Variants in ZNF316 observed in about 807,000 individuals in gnomAD.
ZNF316 encodes the protein zinc finger protein 316.
Under a neutral mutation model 75.6 loss-of-function variants are expected in ZNF316, and 23 were observed. The ratio of observed to expected loss-of-function variants is 0.30; its 90% confidence interval spans 0.22 to 0.43. ZNF316 has a LOEUF of 0.43. Among genes scored for constraint, ZNF316 ranks in the 20% least tolerant of loss-of-function variants. The pLI, the probability that ZNF316 is intolerant of heterozygous loss-of-function variation, is 1.00. For missense variants in ZNF316, 1,266 were observed against 1,409.4 expected, an observed-to-expected ratio of 0.90 and a Z score of 1.63; for synonymous variants, 827 against 666.2, an observed-to-expected ratio of 1.24 and a Z score of -3.72.
Position 6,654,674 on chromosome 7 carries a change from C to G in ZNF316, c.*63C>G. On this transcript the variant is annotated 3_prime_UTR_variant, in exon 9 of 9. Transcript: ENST00000382252. ...ACCGGCCCCTCCCTTGGACGGCCGGCCCCCCGCTCCTCGGGCCCCGGGAGG... is the reference window on the plus strand; with the variant it reads ...ACCGGCCCCTCCCTTGGACGGCCGGGCCCCCGCTCCTCGGGCCCCGGGAGG... 1 of 1,134,956 alleles carries G rather than the reference C, an allele frequency of 8.8e-7. No individual in the cohort carries two copies. The highest frequency in any genetic ancestry group is 1.1e-6 in the Non-Finnish European group (1 of 922,410). 70.3% of individuals were successfully genotyped at this position (1,134,956 alleles called of 1,614,324 possible).
chr7:6,652,272 C>T, intron 8 of ZNF316, 31 bp from the exon 9 acceptor site: 3 of 1,232,268 alleles, frequency 2.4e-6, no homozygotes, highest in Non-Finnish European at 3.0e-6. Context: ...TCACTTACCT[C>T]TCTCTTCTGG....
At chr7:6,647,936 C>T (rs1003509276) in intron 8 of ZNF316, among the ~76,000 whole-genome samples, 6 of 152,198 alleles carry the variant, frequency 3.9e-5, no homozygotes, top group South Asian at 2.1e-4. Flanking sequence ...AGGGCCCCCA[C>T]GCTGTGCCCA....
chr7:6,638,845 A>T (rs1004938251), intron 2 of ZNF316, among the ~76,000 whole-genome samples, 197 bp from the exon 3 acceptor site: 4 of 151,996 alleles, frequency 2.6e-5, no homozygotes, highest in Non-Finnish European at 4.4e-5. Context: ...GCCGAGGGAG[A>T]AGTGAGCAGT....
Position 6,654,229 on chromosome 7 carries a change from G to T in ZNF316, c.2633G>T (p.Arg878Leu). The change falls in exon 9 of 9, where the codon CGG becomes CTG. Residue 878 changes from arginine (R) to leucine (L), a missense_variant. Around this residue, in one of 3 missense-constraint regions of ZNF316, gnomAD observed 194 missense variants for 319.2 expected, o/e 0.61. Coordinates refer to ENST00000382252, the MANE Select transcript of ZNF316 (RefSeq NM_001278559.2). Reference protein sequence around the residue: ...FAQRSNLAKHRRGHTGERPFP... With the variant: ...FAQRSNLAKHLRGHTGERPFP... The stretch of plus-strand genomic sequence containing the variant: ...CAGCGCTCCAACCTGGCCAAGCACC[G>T]GCGCGGCCACACGGGCGAACGCCCC... 8.2e-7 allele frequency: 1 copy of T among 1,221,864 alleles called. No individual in the cohort carries two copies. The highest frequency in any genetic ancestry group is 3.3e-5 in the East Asian group (1 of 30,356). 75.7% of individuals were successfully genotyped at this position (1,221,864 alleles called of 1,614,324 possible). A position where few individuals can be genotyped will look rare whatever the true frequency, so the allele number is the denominator to read the frequency against.
Position 6,654,228 on chromosome 7 carries a change from C to T in ZNF316, c.2632C>T (p.Arg878Trp), listed in dbSNP as rs1779573394. 2 of 1,222,086 alleles carry T rather than the reference C, an allele frequency of 1.6e-6. No individual in the cohort carries two copies. The highest frequency in any genetic ancestry group is 1.0e-6 in the Non-Finnish European group (1 of 981,440). The allele number at this position is 1,222,086 out of a possible 1,614,324, so 75.7% of individuals were successfully genotyped here. A position where few individuals can be genotyped will look rare whatever the true frequency, so the allele number is the denominator to read the frequency against. ...FAQRSNLAKH[R>W]RGHTGERPFP... ...GCAGCGCTCCAACCTGGCCAAGCAC[C>T]GGCGCGGCCACACGGGCGAACGCCC... Residue 878 changes from arginine (R) to tryptophan (W), a missense_variant, in exon 9 of 9, where the codon CGG becomes TGG. Arg to Trp is a moderately radical substitution (Grantham distance 101, BLOSUM62 -3). Coordinates refer to ENST00000382252, the MANE Select transcript of ZNF316 (RefSeq NM_001278559.2).
chr7:6,645,522 A>G (rs1028656471), intron 8 of ZNF316, among the ~76,000 whole-genome samples: 10 of 151,482 alleles, frequency 6.6e-5, no homozygotes, highest in Middle Eastern at 3.2e-3. Context: ...CATCACTACT[A>G]AAAATACAAA....
In ZNF316 at chr7:6,654,494, C is replaced by T. The variant is rs1384776405; in HGVS notation, c.2898C>T (p.Ala966=). 8.5e-7 allele frequency: 1 copy of T among 1,180,752 alleles called. No homozygotes were observed. The allele number at this position is 1,180,752 out of a possible 1,614,324, so 73.1% of individuals were successfully genotyped here. ...CGGCCGCCAAGGGGCCGTCCAGTGC[C>T]GGCCCCGGTGAGCGCGGCAGCGCCC... ...PEAAAKGPSS[A]GPGERGSALL... is the part of the protein sequence containing the mutation. Residue 966 remains alanine (A), a synonymous_variant, in exon 9 of 9, where the codon GCC becomes GCT. Coordinates refer to ENST00000382252, the MANE Select transcript of ZNF316 (RefSeq NM_001278559.2).
chr7:6,645,865 G>A (rs565488059), intron 8 of ZNF316, among the ~76,000 whole-genome samples: 9 of 151,482 alleles, frequency 5.9e-5, no homozygotes, highest in South Asian at 4.2e-4. Context: ...GTGGTGGTGC[G>A]CGCCTGTAGT....
chr7:6,652,221 G>A, intron 8 of ZNF316, 82 bp from the exon 9 acceptor site: 1 of 1,217,008 alleles, frequency 8.2e-7, no homozygotes, highest in Non-Finnish European at 1.0e-6. Flanking sequence ...CGGAAGCCCT[G>A]ATTTCTCGGG....
chr7:6,647,349 C>G (rs577134766), intron 8 of ZNF316, among the ~76,000 whole-genome samples: 2 of 152,360 alleles, frequency 1.3e-5, no homozygotes, highest in Non-Finnish European at 2.9e-5. Flanking sequence ...CCCCAAGCAC[C>G]AATGTGTGGG....
rs1583447738 is a variant in ZNF316 at position 6,653,639 on chromosome 7, G to A, written c.2043G>A (p.Pro681=). 9.4e-7 allele frequency: 1 copy of A among 1,065,430 alleles called. No homozygotes were observed. The allele number at this position is 1,065,430 out of a possible 1,614,324, so 66.0% of individuals were successfully genotyped here. Residue 681 remains proline (P), a synonymous_variant, in exon 9 of 9, where the codon CCG becomes CCA. Coordinates refer to ENST00000382252, the MANE Select transcript of ZNF316 (RefSeq NM_001278559.2). The stretch of plus-strand genomic sequence containing the variant: ...GGGGTCTGCTGGCGGAGCCCGCGCC[G>A]GCCGCGCTGGCGGAGGAGGAGAGCC... ...AIGGLLAEPA[P]AALAEEESPW...
rs1006968567 is a variant in ZNF316, at chr7:6,645,791, C to G, written c.706+1198C>G. ...TGGACAGATCACGAGGTCAGGAGTT[C>G]AAGACCAGTCTAGGCAATATGGTGA... On this transcript the variant is annotated intron_variant, in intron 8 of 8. Coordinates refer to ENST00000382252, the MANE Select transcript of ZNF316 (RefSeq NM_001278559.2). Among the ~76,000 whole-genome samples the G allele has an allele frequency of 2.0e-5, 3 of 150,220 alleles. No homozygotes were observed. In the Admixed American group the frequency reaches 2.0e-4, roughly 10 times the overall value.
At chr7:6,649,223 G>A (rs968535497) in intron 8 of ZNF316, among the ~76,000 whole-genome samples, 4 of 152,294 alleles carry the variant, frequency 2.6e-5, no homozygotes, top group Middle Eastern at 3.4e-3. Context: ...AAGCCTAGCT[G>A]CATGTTGCTA....
rs77853908 is a variant in ZNF316, at chr7:6,641,779, T to C, written c.-166-46T>C. On this transcript the variant is annotated intron_variant, in intron 3 of 8. Coordinates refer to ENST00000382252, the MANE Select transcript of ZNF316 (RefSeq NM_001278559.2). ...TCACAGAGCGAGGGCTGAGGGCACA[T>C]GAGGGTGATGCTGGCTCACAGCCCC... 4.0e-3 allele frequency: 616 copies of C among 152,440 alleles called. 3 individuals are homozygous for C. Among genetic ancestry groups the C allele is most frequent in the Non-Finnish European group, 6.7e-3 (459 of 68,084 alleles). 9.4% of individuals were successfully genotyped at this position (152,440 alleles called of 1,614,324 possible).
intron 6 of ZNF316, among the ~76,000 whole-genome samples, chr7:6,643,574 G>C (rs770869368): frequency 1.3e-5 from 2 of 152,206 alleles, no homozygotes; most frequent in African/African-American, 4.8e-5. Context: ...CTGTCTCCTG[G>C]CCTCTGCTTG....
chr7:6,654,530 C>A lies in ZNF316; in HGVS notation c.2934C>A (p.Phe978Leu). Reference protein sequence around the residue: ...PGERGSALLEFAGGTSFGSEH... With the variant: ...PGERGSALLELAGGTSFGSEH... ...AGCGCGGCAGCGCCCTGCTGGAGTTCGCGGGCGGCACAAGCTTCGGCTCCG... is the reference window on the plus strand; with the variant it reads ...AGCGCGGCAGCGCCCTGCTGGAGTTAGCGGGCGGCACAAGCTTCGGCTCCG... The change falls in exon 9 of 9, where the codon TTC becomes TTA. Residue 978 changes from phenylalanine (F) to leucine (L), a missense_variant. Coordinates refer to ENST00000382252, the MANE Select transcript of ZNF316 (RefSeq NM_001278559.2). 1.7e-6 allele frequency: 2 copies of A among 1,179,622 alleles called. No homozygotes were observed. The highest frequency in any genetic ancestry group is 2.1e-6 in the Non-Finnish European group (2 of 954,502). 73.1% of individuals were successfully genotyped at this position (1,179,622 alleles called of 1,614,324 possible).
intron 6 of ZNF316, 57 bp from the exon 7 acceptor site, chr7:6,643,765 C>G: frequency 8.1e-7 from 1 of 1,231,388 alleles, no homozygotes; most frequent in Non-Finnish European, 1.0e-6. Flanking sequence ...CCTCAATCTT[C>G]CGTGGCTCTT....
rs574750841 is a variant in ZNF316, at chr7:6,642,700, G to T, written c.291G>T (p.Ala97=). The change falls in exon 5 of 9, where the codon GCG becomes GCT. Residue 97 remains alanine (A), a synonymous_variant. Transcript: ENST00000382252. This position sits in a 1 kb window ranked among gnomAD's most constrained non-coding sequence, Gnocchi z 8.1. ...KEVLAEEECP[A]LGTQERLSRG... ...TGCTGGCAGAGGAGGAGTGTCCGGCGTTGGGGACCCAGGAGCGACTTAGCC... is the reference window on the plus strand; with the variant it reads ...TGCTGGCAGAGGAGGAGTGTCCGGCTTTGGGGACCCAGGAGCGACTTAGCC... The T allele has an allele frequency of 4.9e-6, 6 of 1,234,620 alleles. No individual in the cohort carries two copies. Among genetic ancestry groups the T allele is most frequent in the Non-Finnish European group, 6.1e-6 (6 of 989,640 alleles). 76.5% of individuals were successfully genotyped at this position (1,234,620 alleles called of 1,614,324 possible).
chr7:6,652,706 C>G lies in ZNF316; in HGVS notation c.1110C>G (p.Val370=), dbSNP rs1404799596. The G allele has an allele frequency of 4.0e-6, 5 of 1,238,120 alleles. No homozygotes were observed. The African/African-American group carries it at 7.8e-5, about 19-fold the overall frequency. 76.7% of individuals were successfully genotyped at this position (1,238,120 alleles called of 1,614,324 possible). The change falls in exon 9 of 9, where the codon GTC becomes GTG. Residue 370 remains valine (V), a synonymous_variant. Transcript: ENST00000382252. ...LAKHQRYHAA[V]KPFGCEECGK... Reference sequence around the variant, plus strand: ...AGCACCAGCGCTACCACGCGGCCGTCAAGCCCTTCGGCTGCGAGGAGTGCG... The same window carrying G: ...AGCACCAGCGCTACCACGCGGCCGTGAAGCCCTTCGGCTGCGAGGAGTGCG...
Sources: gnomAD v4.1 joint callset for allele counts (sites outside exome capture counted in the v4.1 genomes callset) on GRCh38, gnomAD v4.1.1 for gene constraint, gnomAD v4.1.1 regional missense constraint, Gnocchi (gnomAD v3.1) non-coding constraint, MANE v1.5 for transcripts, NCBI Gene and HGNC (gene_info 2026-07-23, HGNC 2026-07-21) for gene names.